RUSF1: variants seen among roughly 807,000 people sequenced by gnomAD.
RUSF1 encodes the protein RUS1 family protein C16orf58.
A neutral mutation model predicts 63.0 loss-of-function variants in RUSF1; 58 were observed. That is an observed-to-expected ratio of 0.92 (90% CI 0.75 to 1.15). The LOEUF is 1.15. Among genes scored for constraint, RUSF1 ranks in the 50% most tolerant of loss-of-function variants. The probability of loss-of-function intolerance (pLI) is 0.00; values close to 1 mark genes in which losing one functional copy is unlikely to be tolerated. For missense variants in RUSF1, 652 were observed against 611.0 expected (o/e 1.07, Z -0.71); for synonymous variants, 274 against 255.8 (o/e 1.07, Z -0.68).
rs1472956643 is a variant in RUSF1 at position 31,492,200 on chromosome 16, C to T, written c.1228G>A (p.Ala410Thr). The change falls in exon 11 of 13, where the codon GCA (alanine) becomes ACA (threonine). Residue 410 changes from alanine to threonine, a missense_variant. Ala to Thr is a moderately conservative substitution (Grantham distance 58, BLOSUM62 0). Coordinates refer to ENST00000327237, the MANE Select transcript of RUSF1 (RefSeq NM_022744.4). ...ELEELRNRVR[A>T]GPKKESWVVV... ...GTCTAAATCTTGAGGCACTTACCTG[C>T]CCGCACCCGGTTCCTCAGCTCCTCC... The T allele has an allele frequency of 1.2e-6, 2 of 1,609,938 alleles. No homozygotes were observed. Among genetic ancestry groups the T allele is most frequent in the Non-Finnish European group, 1.7e-6 (2 of 1,177,488 alleles).
Position 31,508,355 on chromosome 16 carries a change from A to G in RUSF1, c.19T>C (p.Leu7=). 1.3e-6 allele frequency: 2 copies of G among 1,528,956 alleles called. No homozygotes were observed. The highest frequency in any genetic ancestry group is 1.4e-5 in the African/African-American group (1 of 71,486). 94.7% of individuals were successfully genotyped at this position (1,528,956 alleles called of 1,614,324 possible). ...TGCTCGGAACACAGCGGGGTCTCCA[A>G]ACCCGCGTCGTCAGCCATGCCGAGC... is the stretch of plus-strand genomic sequence containing the variant. MADDAG[L]ETPLCSEQFG... Residue 7 remains leucine (L), a synonymous_variant, in exon 1 of 13, where the codon TTG becomes CTG. Coordinates refer to ENST00000327237, the MANE Select transcript of RUSF1 (RefSeq NM_022744.4).
chr16:31,498,376 C>A (rs1351671115), intron 5 of RUSF1, among the ~76,000 whole-genome samples: 1 of 152,090 alleles, frequency 6.6e-6, no homozygotes, highest in African/African-American at 2.4e-5. Context: ...TAGGGGTGCT[C>A]GTAGCATTTA....
chr16:31,505,125 G>A (rs1013365379), intron 2 of RUSF1, among the ~76,000 whole-genome samples: 2 of 152,318 alleles, frequency 1.3e-5, no homozygotes, highest in Non-Finnish European at 2.9e-5. Flanking sequence ...AAGGGTCTGT[G>A]CTGAGGAGGA....
intron 10 of RUSF1, 72 bp from the exon 11 acceptor site, chr16:31,492,412 G>C (rs892116245): frequency 4.8e-6 from 7 of 1,461,114 alleles, no homozygotes; most frequent in Non-Finnish European, 6.3e-6. Flanking sequence ...CCATCACCCT[G>C]CTTCCCCTGT....
In RUSF1 at chr16:31,502,065, C is replaced by G. The variant is rs189649905; in HGVS notation, c.416-1334G>C. ...CCATCCATTATACAGAGAGCAGCAC[C>G]CATTAAGCCTGGCAGAAATATTTTA... is the stretch of plus-strand genomic sequence containing the variant. On this transcript the variant is annotated intron_variant, in intron 2 of 12. Transcript: ENST00000327237. 6.0e-4 allele frequency among the ~76,000 whole-genome samples: 92 copies of G among 152,226 alleles called. 1 individual carries two copies. The highest frequency in any genetic ancestry group is 1.9e-3 in the African/African-American group (79 of 41,528).
chr16:31,508,012 G>A (rs1255639853), intron 1 of RUSF1, 62 bp downstream of exon 1: 6 of 1,550,130 alleles, frequency 3.9e-6, no homozygotes, highest in East Asian at 2.4e-5. Context: ...TCAGTCACCC[G>A]TCCATTATTG....
chr16:31,493,906 C>T lies in RUSF1; in HGVS notation c.733G>A (p.Val245Ile). 6.2e-7 allele frequency: 1 copy of T among 1,614,158 alleles called. No homozygotes were observed. The highest frequency in any genetic ancestry group is 8.5e-7 in the Non-Finnish European group (1 of 1,180,026). Residue 245 changes from valine (V) to isoleucine (I), a missense_variant, in exon 7 of 13, where the codon GTC (valine) becomes ATC (isoleucine). Val to Ile is a conservative substitution (Grantham distance 29). Transcript: ENST00000327237. ...ACCAGAGGGAGCATCAGGAGGCTGA[C>T]CAAGAGCCCCGCCAGGTTCACCAGC... ...ETLVNLAGLL[V>I]SLLMLPLVSG...
chr16:31,497,342 C>T (rs927563481), intron 5 of RUSF1, among the ~76,000 whole-genome samples: 2 of 152,042 alleles, frequency 1.3e-5, no homozygotes, highest in African/African-American at 4.8e-5. Context: ...CCTCCTGCCC[C>T]AGTTAAAGCT....
chr16:31,499,260 G>A, intron 5 of RUSF1, 42 bp downstream of exon 5: 1 of 1,529,368 alleles, frequency 6.5e-7, no homozygotes, highest in South Asian at 1.1e-5. Context: ...ACACTACCAA[G>A]GCAGGTGTTT....
In RUSF1 at chr16:31,508,336, G is replaced by A; in HGVS notation, c.38C>T (p.Ser13Phe). 1.9e-6 allele frequency: 3 copies of A among 1,564,608 alleles called. No individual in the cohort carries two copies. Among genetic ancestry groups the A allele is most frequent in the Non-Finnish European group, 2.6e-6 (3 of 1,163,906 alleles). ...TGCCTCCCCGGAGCCGAACTGCTCG[G>A]AACACAGCGGGGTCTCCAAACCCGC... Reference protein sequence around the residue: ...DDAGLETPLCSEQFGSGEARG... With the variant: ...DDAGLETPLCFEQFGSGEARG... Residue 13 changes from serine (S) to phenylalanine (F), a missense_variant, in exon 1 of 13, where the codon TCC becomes TTC. Ser to Phe is a radical substitution (Grantham distance 155, BLOSUM62 -2). Coordinates refer to ENST00000327237, the MANE Select transcript of RUSF1 (RefSeq NM_022744.4).
In RUSF1 at chr16:31,490,367, G is replaced by A. The variant is rs376318525; in HGVS notation, c.*468C>T. 5.0e-6 allele frequency: 8 copies of A among 1,613,006 alleles called. No homozygotes were observed. In the African/African-American group the frequency reaches 9.3e-5, roughly 19 times the overall value. The stretch of plus-strand genomic sequence containing the variant: ...AGTGCCTGCTCTGGTTTTGTGGAAT[G>A]AGCAGAGGTGGGGTGGGCAGTCCTC... On this transcript the variant is annotated 3_prime_UTR_variant, in exon 13 of 13. Coordinates refer to ENST00000327237, the MANE Select transcript of RUSF1 (RefSeq NM_022744.4).
At position 31,491,999 on chromosome 16, in the gene RUSF1, G is replaced by C; in HGVS notation, c.1309+10C>G. On this transcript the variant is annotated intron_variant, in intron 12 of 12. Transcript: ENST00000327237. ...CAGGGGCCAAGCAGCCATGGGCTGA[G>C]GGATGTTACCTTTCAAGAACTTTGG... The C allele has an allele frequency of 6.2e-7, 1 of 1,613,988 alleles. No individual in the cohort carries two copies. The highest frequency in any genetic ancestry group is 8.5e-7 in the Non-Finnish European group (1 of 1,179,872).
chr16:31,497,022 G>C, intron 5 of RUSF1, 72 bp from the exon 6 acceptor site: 1 of 1,284,168 alleles, frequency 7.8e-7, no homozygotes, highest in Non-Finnish European at 1.1e-6. Flanking sequence ...AGACCAGCTG[G>C]AGAAAACCTG....
At chr16:31,490,989 C>G in intron 12 of RUSF1, 57 bp from the exon 13 acceptor site, 1 of 1,557,152 alleles carries the variant, frequency 6.4e-7, no homozygotes, top group East Asian at 2.3e-5. Flanking sequence ...TAAGGAGAGG[C>G]ACAGGCTGGG....
intron 3 of RUSF1, 121 bp from the exon 4 acceptor site, chr16:31,499,646 C>T (rs565288873): frequency 2.2e-6 from 2 of 906,436 alleles, no homozygotes; most frequent in South Asian, 1.9e-5. Context: ...CACCCCCAGA[C>T]AGACATCTGT....
At chr16:31,496,739 G>A in intron 6 of RUSF1, 110 bp downstream of exon 6, 1 of 952,716 alleles carries the variant, frequency 1.0e-6, no homozygotes, top group Non-Finnish European at 1.5e-6. Context: ...GAGTCAGCAG[G>A]GAGCACCCAT....
chr16:31,496,375 C>A (rs1231181886), intron 6 of RUSF1, among the ~76,000 whole-genome samples: 1 of 152,190 alleles, frequency 6.6e-6, no homozygotes, highest in Non-Finnish European at 1.5e-5. Flanking sequence ...CGTAAGCACT[C>A]AGCACGGGGT....
Position 31,493,587 on chromosome 16 carries a change from C to A in RUSF1, c.958+16G>T. On this transcript the variant is annotated intron_variant, in intron 8 of 12. Transcript: ENST00000327237. Reference sequence around the variant, plus strand: ...AGAGGTTGAGACACAGGACCCGAGACCAGGGGCAGGGTCACCTGTCCACAG... The same window carrying A: ...AGAGGTTGAGACACAGGACCCGAGAACAGGGGCAGGGTCACCTGTCCACAG... 1.2e-6 allele frequency: 2 copies of A among 1,614,154 alleles called. No homozygotes were observed. The highest frequency in any genetic ancestry group is 1.7e-6 in the Non-Finnish European group (2 of 1,180,028).
chr16:31,500,550 G>T, intron 3 of RUSF1, 136 bp downstream of exon 3: 1 of 1,131,410 alleles, frequency 8.8e-7, no homozygotes, highest in Non-Finnish European at 1.2e-6. Flanking sequence ...TATGTACGAT[G>T]CCACGGGCAT....
Sources: allele counts gnomAD v4.1 joint callset (sites outside exome capture counted in the v4.1 genomes callset), GRCh38; gene constraint gnomAD v4.1.1; transcripts MANE v1.5; gene names NCBI Gene and HGNC (gene_info 2026-07-23, HGNC 2026-07-21).